The following SYT16 variants were observed in gnomAD, a reference collection of about 807,000 sequenced individuals.
SYT16 encodes synaptotagmin-16.
In SYT16, 42 loss-of-function variants were observed where a neutral mutation model predicts 61.4. That is an observed-to-expected ratio of 0.68 (90% confidence interval 0.53 to 0.89). The LOEUF is 0.89. Among genes scored for constraint, SYT16 ranks in the 40% least tolerant of loss-of-function variants. The pLI is 0.00. For missense variants in SYT16, 804 were observed against 807.3 expected (o/e 1.00, Z 0.05); for synonymous variants, 314 against 302.3 (o/e 1.04, Z -0.40).
intron 1 of SYT16, among the ~76,000 whole-genome samples, chr14:61,899,975 A>G (rs776013179): frequency 2.0e-5 from 3 of 152,216 alleles, no homozygotes; most frequent in Non-Finnish European, 4.4e-5. Flanking sequence ...GGCAAGAAAT[A>G]TAGGTCTTAT....
intron 1 of SYT16, among the ~76,000 whole-genome samples, chr14:61,904,708 C>T (rs1204020171): frequency 2.0e-5 from 3 of 152,174 alleles, no homozygotes; most frequent in Non-Finnish European, 4.4e-5. Context: ...TGAGAATGCC[C>T]ACTGACATAC....
rs1373686904 is a variant in SYT16 at position 62,111,772 on chromosome 14, G to A, written c.*11065G>A. ...GTATGTGGTCCAGAGGTTCAAGAGAGAGAGAGAAAAAATTTCTCCTCAAAA... is the reference window on the plus strand; with the variant it reads ...GTATGTGGTCCAGAGGTTCAAGAGAAAGAGAGAAAAAATTTCTCCTCAAAA... On this transcript the variant is annotated 3_prime_UTR_variant, in exon 8 of 8. Coordinates refer to ENST00000683842, the MANE Select transcript of SYT16 (RefSeq NM_001367656.1). 1 of 152,042 alleles carries A rather than the reference G, an allele frequency of 6.6e-6. No individual in the cohort carries two copies. The highest frequency in any genetic ancestry group is 1.9e-4 in the East Asian group (1 of 5,200). 9.4% of individuals were successfully genotyped at this position (152,042 alleles called of 1,614,324 possible). A position where few individuals can be genotyped will look rare whatever the true frequency, so the allele number is the denominator to read the frequency against.
chr14:61,863,318 A>G (rs1205720355), intron 1 of SYT16, among the ~76,000 whole-genome samples: 3 of 152,194 alleles, frequency 2.0e-5, no homozygotes, highest in Non-Finnish European at 4.4e-5. Flanking sequence ...GGCTATTCTT[A>G]TACATGGTAT....
intron 1 of SYT16, among the ~76,000 whole-genome samples, chr14:61,892,690 G>A (rs1474914485): frequency 6.6e-6 from 1 of 152,168 alleles, no homozygotes; most frequent in East Asian, 1.9e-4. Context: ...AACCGATGGG[G>A]GGTGGTGACA....
intron 1 of SYT16, among the ~76,000 whole-genome samples, chr14:61,891,242 GCACACA>G (rs34375502): frequency 2.0e-4 from 29 of 147,800 alleles, no homozygotes; most frequent in Non-Finnish European, 2.5e-4. Flanking sequence ...ACACACACGC[GCACACA>G]CACACACACA....
chr14:62,019,575 T>C (rs546273025), intron 3 of SYT16, among the ~76,000 whole-genome samples: 2 of 152,350 alleles, frequency 1.3e-5, no homozygotes, highest in Admixed American at 1.3e-4. Flanking sequence ...TTTTCACATA[T>C]TGCTGTACTT....
At chr14:62,039,218 C>G (rs944481238) in intron 3 of SYT16, among the ~76,000 whole-genome samples, 1 of 152,162 alleles carries the variant, frequency 6.6e-6, no homozygotes, top group Non-Finnish European at 1.5e-5. Flanking sequence ...TAACAGTGAT[C>G]CATCTTGGGG....
At chr14:61,958,734 G>A (rs2050986711) in intron 1 of SYT16, among the ~76,000 whole-genome samples, 1 of 151,994 alleles carries the variant, frequency 6.6e-6, no homozygotes, top group African/African-American at 2.4e-5. Flanking sequence ...TGCTGCTGTT[G>A]GGTGGAATGT....
At chr14:61,940,460 A>G (rs991234233) in intron 1 of SYT16, among the ~76,000 whole-genome samples, 2 of 152,186 alleles carry the variant, frequency 1.3e-5, no homozygotes, top group African/African-American at 4.8e-5. Context: ...TAGCAGAGTG[A>G]TTAAAATAGG....
intron 1 of SYT16, among the ~76,000 whole-genome samples, chr14:61,925,427 C>T (rs992655058): frequency 6.6e-6 from 1 of 152,066 alleles, no homozygotes; most frequent in Non-Finnish European, 1.5e-5. Flanking sequence ...GAGTGTCCAA[C>T]GTGGACACAA....
intron 1 of SYT16, among the ~76,000 whole-genome samples, chr14:61,882,564 T>C (rs2047738141): frequency 6.6e-6 from 1 of 152,180 alleles, no homozygotes; most frequent in Admixed American, 6.5e-5. Flanking sequence ...AGATGAGATT[T>C]TGGGTGAGGA....
At chr14:61,871,932 T>A (rs919411429) in intron 1 of SYT16, among the ~76,000 whole-genome samples, 1 of 152,228 alleles carries the variant, frequency 6.6e-6, no homozygotes. Flanking sequence ...GTTCCATTTT[T>A]AATTCTTTTT....
chr14:62,100,236 G>A (rs1001643105), intron 7 of SYT16, among the ~76,000 whole-genome samples, 158 bp from the exon 8 acceptor site: 1 of 152,156 alleles, frequency 6.6e-6, no homozygotes, highest in Non-Finnish European at 1.5e-5. Context: ...ATTCATGCAA[G>A]ATGTGTTGCC....
intron 3 of SYT16, among the ~76,000 whole-genome samples, chr14:62,031,289 G>A (rs1202439185): frequency 6.6e-6 from 1 of 152,128 alleles, no homozygotes; most frequent in African/African-American, 2.4e-5. Flanking sequence ...TCTGGATTTC[G>A]AATGAGCTAA....
At chr14:61,948,629 G>T (rs911116828) in intron 1 of SYT16, among the ~76,000 whole-genome samples, 28 of 152,168 alleles carry the variant, frequency 1.8e-4, no homozygotes, top group Admixed American at 1.2e-3. Flanking sequence ...GGACATCCTG[G>T]TAGAGATATA....
intron 3 of SYT16, among the ~76,000 whole-genome samples, chr14:62,039,071 G>A (rs2140839554): frequency 6.6e-6 from 1 of 152,288 alleles, no homozygotes; most frequent in East Asian, 1.9e-4. Context: ...GCAGAACTAG[G>A]ACCCTAACTT....
chr14:62,063,212 C>G (rs997914406), intron 3 of SYT16, among the ~76,000 whole-genome samples: 1 of 152,156 alleles, frequency 6.6e-6, no homozygotes, highest in African/African-American at 2.4e-5. Context: ...CACCCTTCCA[C>G]TACAACAACC....
chr14:62,052,173 A>G (rs1348676362), intron 3 of SYT16, among the ~76,000 whole-genome samples: 2 of 151,966 alleles, frequency 1.3e-5, no homozygotes, highest in African/African-American at 4.8e-5. Context: ...TAGTTTTTCA[A>G]TCTTTTTTTG....
At chr14:62,072,789 C>G (rs571786936) in intron 4 of SYT16, among the ~76,000 whole-genome samples, 2 of 151,898 alleles carry the variant, frequency 1.3e-5, no homozygotes, top group Non-Finnish European at 2.9e-5. Flanking sequence ...GGGTGGTGAT[C>G]GGGGAGAGAG....
Sources: gnomAD v4.1 joint callset for allele counts (sites outside exome capture counted in the v4.1 genomes callset) on GRCh38, gnomAD v4.1.1 for gene constraint, MANE v1.5 for transcripts, NCBI Gene and HGNC (gene_info 2026-07-23, HGNC 2026-07-21) for gene names.